WDR76: variants seen among roughly 807,000 people sequenced by gnomAD.
WDR76 encodes WD repeat-containing protein 76.
A neutral mutation model predicts 70.2 loss-of-function variants in WDR76; 52 were observed. The ratio of observed to expected loss-of-function variants is 0.74; its 90% CI spans 0.59 to 0.93. The LOEUF (loss-of-function observed/expected upper bound fraction) is 0.93. WDR76 is among the 40% of genes least tolerant of loss of function. The probability of loss-of-function intolerance (pLI) is 0.00; values close to 1 mark genes in which losing one functional copy is unlikely to be tolerated. For synonymous variants in WDR76, 292 were observed against 271.1 expected, an observed-to-expected ratio of 1.08 and a Z score of -0.76; for missense variants, 756 against 760.2, an observed-to-expected ratio of 0.99 and a Z score of 0.07.
At chr15:43,833,848 G>A (rs536517597) in intron 2 of WDR76, among the ~76,000 whole-genome samples, 4 of 151,392 alleles carry the variant, frequency 2.6e-5, no homozygotes, top group Admixed American at 6.6e-5. Flanking sequence ...TGCTGGCCAG[G>A]ATGGTCCTGA....
Position 43,867,432 on chromosome 15 carries a change from AAAATG to A in WDR76, c.*1044_*1048del. On this transcript the variant is annotated 3_prime_UTR_variant, in exon 13 of 13. Transcript: ENST00000263795. Reference sequence around the variant, plus strand: ...TAGATGACAATGACTGGTGTTGAAAAAAATGAAAAGGAAAGAATTTGTAAAGAACA... The same window carrying A: ...TAGATGACAATGACTGGTGTTGAAAAAAAAGGAAAGAATTTGTAAAGAACA... The A allele has an allele frequency of 6.6e-6, 1 of 152,346 alleles. No homozygotes were observed. The highest frequency in any genetic ancestry group is 2.1e-4 in the South Asian group (1 of 4,826). 9.4% of individuals were successfully genotyped at this position (152,346 alleles called of 1,614,324 possible).
At chr15:43,856,771 C>T (rs1434048611) in intron 9 of WDR76, among the ~76,000 whole-genome samples, 175 bp from the exon 10 acceptor site, 1 of 151,952 alleles carries the variant, frequency 6.6e-6, no homozygotes, top group African/African-American at 2.4e-5. Context: ...GGTAATGGAA[C>T]CCCAAATACC....
At chr15:43,862,490 GT>G (rs1305278156) in intron 12 of WDR76, among the ~76,000 whole-genome samples, 38 of 130,352 alleles carry the variant, frequency 2.9e-4, no homozygotes, top group East Asian at 1.1e-3. Flanking sequence ...GCTAATTTCT[GT>G]TTTTTTTTTT....
intron 5 of WDR76, among the ~76,000 whole-genome samples, chr15:43,840,155 G>T (rs577432570): frequency 1.4e-3 from 210 of 152,168 alleles, no homozygotes; most frequent in South Asian, 2.9e-3. Flanking sequence ...CACTGTGCCC[G>T]GCCCATTTGT....
At chr15:43,857,463 A>T in intron 10 of WDR76, 1 of 985,394 alleles carries the variant, frequency 1.0e-6, no homozygotes, top group Non-Finnish European at 1.2e-6. Flanking sequence ...AAAAAAAGTT[A>T]CATGTGACCT....
At chr15:43,866,064 C>T (rs947010134) in intron 12 of WDR76, 64 bp from the exon 13 acceptor site, 8 of 1,574,018 alleles carry the variant, frequency 5.1e-6, no homozygotes, top group Non-Finnish European at 6.9e-6. Context: ...CGTCTTTACC[C>T]TCTGCCCAAT....
chr15:43,836,368 T>G (rs2087656791), intron 4 of WDR76, 152 bp downstream of exon 4: 4 of 498,700 alleles, frequency 8.0e-6, no homozygotes, highest in Non-Finnish European at 1.3e-5. Flanking sequence ...TGCTACCCTT[T>G]AATAACTTTA....
chr15:43,847,024 A>C (rs2087798080), intron 8 of WDR76, among the ~76,000 whole-genome samples: 2 of 3,076 alleles, frequency 6.5e-4, no homozygotes, highest in African/African-American at 1.4e-3. Flanking sequence ...CACCACCTCA[A>C]AAAAAAAAAA....
chr15:43,851,326 A>C (rs755450930), intron 9 of WDR76, 81 bp downstream of exon 9: 48 of 1,551,346 alleles, frequency 3.1e-5, no homozygotes, highest in Non-Finnish European at 4.0e-5. Context: ...TTATTATACC[A>C]ATTGGGAGAA....
chr15:43,835,500 A>AACT (rs1189184372), intron 3 of WDR76, among the ~76,000 whole-genome samples: 2 of 150,752 alleles, frequency 1.3e-5, no homozygotes, highest in African/African-American at 4.9e-5. Flanking sequence ...AAACAGCAAC[A>AACT]ACAAGAGCCG....
chr15:43,856,472 C>T (rs189669267), intron 9 of WDR76, among the ~76,000 whole-genome samples: 2 of 152,238 alleles, frequency 1.3e-5, no homozygotes, highest in Admixed American at 1.3e-4. Flanking sequence ...TTAAGTTTCA[C>T]AGGGTAGATC....
intron 5 of WDR76, among the ~76,000 whole-genome samples, chr15:43,840,699 C>T (rs2087713872): frequency 6.6e-6 from 1 of 151,942 alleles, no homozygotes; most frequent in Non-Finnish European, 1.5e-5. Flanking sequence ...ATATTTGTGG[C>T]CAGGTGTAGT....
rs1567191666 is a variant in WDR76 at position 43,856,959 on chromosome 15, A to G, written c.1205A>G (p.Glu402Gly). Reference protein sequence around the residue: ...RAIFEEVYRNERSSFSSFDFL... With the variant: ...RAIFEEVYRNGRSSFSSFDFL... Reference sequence around the variant, plus strand: ...TTATATTCTTAGGTGTATAGAAATGAAAGAAGTAGCTTTTCCTCCTTCGAC... The same window carrying G: ...TTATATTCTTAGGTGTATAGAAATGGAAGAAGTAGCTTTTCCTCCTTCGAC... Residue 402 changes from glutamate (E) to glycine (G), a missense_variant, in exon 10 of 13, where the codon GAA becomes GGA. Transcript: ENST00000263795. The G allele has an allele frequency of 1.9e-6, 3 of 1,613,860 alleles. No homozygotes were observed. The highest frequency in any genetic ancestry group is 1.1e-5 in the South Asian group (1 of 91,048).
At chr15:43,838,920 G>GTA (rs1210218767) in intron 4 of WDR76, among the ~76,000 whole-genome samples, 2 of 152,050 alleles carry the variant, frequency 1.3e-5, no homozygotes, top group Non-Finnish European at 2.9e-5. Flanking sequence ...ACAGTTTTTA[G>GTA]TATATAGTAT....
chr15:43,854,964 AAAG>A (rs1219398640), intron 9 of WDR76, among the ~76,000 whole-genome samples: 1 of 152,166 alleles, frequency 6.6e-6, no homozygotes, highest in African/African-American at 2.4e-5. Context: ...AAAAAAAAAA[AAAG>A]AAATTTTCCA....
intron 11 of WDR76, 96 bp downstream of exon 11, chr15:43,858,919 T>G: frequency 7.0e-7 from 1 of 1,420,688 alleles, no homozygotes; most frequent in East Asian, 2.3e-5. Context: ...TGTTCCCTAT[T>G]AAATTGCTAG....
rs1432330489 is a variant in WDR76 at position 43,867,111 on chromosome 15, GGTAAT to G, written c.*724_*728del. 1 of 152,192 alleles carries G rather than the reference GGTAAT, an allele frequency of 6.6e-6. No individual in the cohort carries two copies. Among genetic ancestry groups the G allele is most frequent in the African/African-American group, 2.4e-5 (1 of 41,442 alleles). The allele number at this position is 152,192 out of a possible 1,614,324, so 9.4% of individuals were successfully genotyped here. A position where few individuals can be genotyped will look rare whatever the true frequency, so the allele number is the denominator to read the frequency against. ...CATACACTGGAAGGGGACCCGGAAA[GGTAAT>G]GTAACTCAGTGATTTTAAAACTTGA... On this transcript the variant is annotated 3_prime_UTR_variant, in exon 13 of 13. Transcript: ENST00000263795.
chr15:43,841,067 C>T (rs2087718355), intron 5 of WDR76, among the ~76,000 whole-genome samples: 1 of 151,472 alleles, frequency 6.6e-6, no homozygotes, highest in African/African-American at 2.4e-5. Flanking sequence ...GTCACCCAGG[C>T]TGGAGTGCAG....
At chr15:43,858,964 AGACTGGT>A in intron 11 of WDR76, 141 bp downstream of exon 11, 1 of 1,125,282 alleles carries the variant, frequency 8.9e-7, no homozygotes, top group Non-Finnish European at 1.2e-6. Context: ...AGGTTCCTAA[AGACTGGT>A]GACCTGTATT....
Sources: gnomAD v4.1 joint callset for allele counts (sites outside exome capture counted in the v4.1 genomes callset) on GRCh38, gnomAD v4.1.1 for gene constraint, MANE v1.5 for transcripts, NCBI Gene and HGNC (gene_info 2026-07-23, HGNC 2026-07-21) for gene names.